The following OPCML variants were observed in gnomAD, a reference collection of about 807,000 sequenced individuals.
The protein encoded by OPCML is opioid-binding protein/cell adhesion molecule.
Under a neutral mutation model 37.8 loss-of-function variants are expected in OPCML, and 13 were observed. That is an observed-to-expected ratio of 0.34 (90% CI 0.22 to 0.55). The LOEUF (loss-of-function observed/expected upper bound fraction) is 0.55, where lower values mean the gene tolerates loss of function less well. Among genes scored for constraint, OPCML ranks in the 20% least tolerant of loss-of-function variants. The probability of loss-of-function intolerance (pLI) is 0.91; values close to 1 mark genes in which losing one functional copy is unlikely to be tolerated. For missense variants in OPCML, 341 were observed against 435.6 expected (o/e 0.78, Z 1.93); for synonymous variants, 176 against 168.8 (o/e 1.04, Z -0.33).
chr11:132,922,957 C>G (rs1221309219), intron 2 of OPCML, among the ~76,000 whole-genome samples: 1 of 151,798 alleles, frequency 6.6e-6, no homozygotes, highest in East Asian at 1.9e-4. Context: ...GTGGTGCATG[C>G]CAGCTCCTCC....
intron 1 of OPCML, among the ~76,000 whole-genome samples, chr11:133,217,976 G>A (rs1939655517): frequency 6.6e-6 from 1 of 151,844 alleles, no homozygotes; most frequent in Non-Finnish European, 1.5e-5. Context: ...AGCCCAGGAA[G>A]TGGAGGCTGC....
At chr11:132,866,668 C>T (rs761515930) in intron 2 of OPCML, among the ~76,000 whole-genome samples, 22 of 152,190 alleles carry the variant, frequency 1.4e-4, no homozygotes, top group African/African-American at 2.6e-4. Flanking sequence ...TTAATAATGA[C>T]GAATATTTGC....
intron 1 of OPCML, among the ~76,000 whole-genome samples, chr11:133,279,888 C>T (rs960946313): frequency 6.6e-6 from 1 of 152,020 alleles, no homozygotes; most frequent in Non-Finnish European, 1.5e-5. Flanking sequence ...AATACTGGTG[C>T]AGGAGTTAAT....
chr11:132,939,583 G>T (rs147765868), intron 2 of OPCML, among the ~76,000 whole-genome samples: 16 of 152,240 alleles, frequency 1.1e-4, no homozygotes, highest in African/African-American at 3.4e-4. Flanking sequence ...CCATCTCACC[G>T]CAGCCCCTCA....
rs371308594 is a variant in OPCML, at chr11:132,671,184, G to A, written c.147-13865C>T. ...AGGGATGGGAGGTGAAGTCTTCACCGTTCCTACAGCATTGCTCCTGTAGAA... is the reference window on the plus strand; with the variant it reads ...AGGGATGGGAGGTGAAGTCTTCACCATTCCTACAGCATTGCTCCTGTAGAA... On this transcript the variant is annotated intron_variant, in intron 2 of 7. Transcript: ENST00000524381. Among the ~76,000 whole-genome samples, 10 of 152,266 alleles carry A rather than the reference G, an allele frequency of 6.6e-5. No homozygotes were observed. In the South Asian group the frequency reaches 1.9e-3, roughly 28 times the overall value.
At chr11:133,234,726 C>T (rs1180169564) in intron 1 of OPCML, among the ~76,000 whole-genome samples, 1 of 152,228 alleles carries the variant, frequency 6.6e-6, no homozygotes, top group Admixed American at 6.5e-5. Flanking sequence ...AGTTCTCTAG[C>T]CTTTCTTCAG....
In OPCML at chr11:133,318,710, A is replaced by G. The variant is rs1178411567; in HGVS notation, c.61+213554T>C. Among the ~76,000 whole-genome samples, 3 of 152,176 alleles carry G rather than the reference A, an allele frequency of 2.0e-5. No individual in the cohort carries two copies. In the East Asian group the frequency reaches 5.8e-4, roughly 29 times the overall value. On this transcript the variant is annotated intron_variant, in intron 1 of 7. Coordinates refer to ENST00000524381, the MANE Select transcript of OPCML (RefSeq NM_001012393.5). ...CATTTAGTGCAGTAATGAGCACGCTACAGCGGTTACTGGCTCCATTCTCTA... is the reference window on the plus strand; with the variant it reads ...CATTTAGTGCAGTAATGAGCACGCTGCAGCGGTTACTGGCTCCATTCTCTA...
chr11:132,569,231 C>G (rs993244030), intron 3 of OPCML, among the ~76,000 whole-genome samples: 1 of 152,184 alleles, frequency 6.6e-6, no homozygotes, highest in East Asian at 1.9e-4. Flanking sequence ...CATTAGGAAA[C>G]GCCCTAGTTC....
At chr11:133,255,961 A>G (rs1345306940) in intron 1 of OPCML, among the ~76,000 whole-genome samples, 3 of 152,232 alleles carry the variant, frequency 2.0e-5, no homozygotes, top group Non-Finnish European at 4.4e-5. Flanking sequence ...AGACTATTTA[A>G]TATTCCATGT....
intron 2 of OPCML, among the ~76,000 whole-genome samples, chr11:132,913,675 T>C (rs1345620511): frequency 6.6e-6 from 1 of 152,182 alleles, no homozygotes; most frequent in East Asian, 1.9e-4. Flanking sequence ...GGGACTAGAA[T>C]CGAAAGCTCT....
intron 3 of OPCML, among the ~76,000 whole-genome samples, chr11:132,542,746 TG>T (rs2137379404): frequency 6.6e-6 from 1 of 152,320 alleles, no homozygotes; most frequent in South Asian, 2.1e-4. Flanking sequence ...CTGAGCTGGC[TG>T]CCCCTTGGGA....
intron 3 of OPCML, among the ~76,000 whole-genome samples, chr11:132,643,996 A>G (rs989421424): frequency 3.3e-5 from 5 of 152,236 alleles, no homozygotes; most frequent in Admixed American, 3.3e-4. Flanking sequence ...ATCCCAGATC[A>G]TTGCGGAGTT....
At chr11:133,326,421 G>A (rs375884417) in intron 1 of OPCML, among the ~76,000 whole-genome samples, 1 of 142,436 alleles carries the variant, frequency 7.0e-6, no homozygotes, top group East Asian at 2.1e-4. Flanking sequence ...GTGTGGATAT[G>A]CATGTGTGTG....
intron 1 of OPCML, among the ~76,000 whole-genome samples, chr11:133,207,796 A>G (rs1939154954): frequency 1.3e-5 from 2 of 152,120 alleles, no homozygotes; most frequent in South Asian, 4.1e-4. Context: ...CATTGCCGTC[A>G]CTATGATTAT....
chr11:133,433,110 C>T (rs1198660713), intron 1 of OPCML, among the ~76,000 whole-genome samples: 1 of 152,132 alleles, frequency 6.6e-6, no homozygotes, highest in East Asian at 1.9e-4. Flanking sequence ...TCAATTATTA[C>T]GTTTCATATT....
chr11:132,880,289 G>A (rs1252702472), intron 2 of OPCML, among the ~76,000 whole-genome samples: 8 of 151,994 alleles, frequency 5.3e-5, no homozygotes, highest in South Asian at 4.2e-4. Flanking sequence ...AAACCACCAC[G>A]GCTCTCTTGA....
rs367743862 is a variant in OPCML, at chr11:132,482,848, G to A, written c.506-45489C>T. On this transcript the variant is annotated intron_variant, in intron 4 of 7. Coordinates refer to ENST00000524381, the MANE Select transcript of OPCML (RefSeq NM_001012393.5). The stretch of plus-strand genomic sequence containing the variant: ...TGATTATCTCAATAGATGCAGAAAA[G>A]GCCTTTGACAAAATTCAACAACCTT... 1.7e-3 allele frequency among the ~76,000 whole-genome samples: 263 copies of A among 150,904 alleles called. 2 individuals carry two copies. In the Middle Eastern group the frequency reaches 0.034, roughly 20 times the overall value.
At chr11:133,499,765 AAAAT>A (rs1389934898) in intron 1 of OPCML, among the ~76,000 whole-genome samples, 1 of 146,298 alleles carries the variant, frequency 6.8e-6, no homozygotes, top group Non-Finnish European at 1.5e-5. Flanking sequence ...CACCAGCAGA[AAAAT>A]AAATATATAT....
chr11:132,909,137 T>C (rs1328637660), intron 2 of OPCML, among the ~76,000 whole-genome samples: 1 of 152,158 alleles, frequency 6.6e-6, no homozygotes, highest in Admixed American at 6.5e-5. Context: ...GGAGGTCGTC[T>C]CCCTTGGCCA....
Sources: allele counts gnomAD v4.1 joint callset (sites outside exome capture counted in the v4.1 genomes callset), GRCh38; gene constraint gnomAD v4.1.1; transcripts MANE v1.5; gene names NCBI Gene and HGNC (gene_info 2026-07-23, HGNC 2026-07-21).